UGDH: variants seen among roughly 807,000 people sequenced by gnomAD.
UGDH encodes the protein UDP-Glc dehydrogenase.
A neutral mutation model predicts 50.6 loss-of-function variants in UGDH; 38 were observed. The ratio of observed to expected loss-of-function variants is 0.75; its 90% confidence interval spans 0.58 to 0.98. The LOEUF (loss-of-function observed/expected upper bound fraction) is 0.98. Among genes scored for constraint, UGDH ranks in the 50% least tolerant of loss-of-function variants. The pLI is 0.00. For synonymous variants in UGDH, 168 were observed against 199.9 expected (o/e 0.84, Z 1.35); for missense variants, 465 against 606.2 (o/e 0.77, Z 2.45).
chr4:39,501,076 TC>T (rs1745788880), intron 11 of UGDH, among the ~76,000 whole-genome samples: 1 of 151,590 alleles, frequency 6.6e-6, no homozygotes, highest in Non-Finnish European at 1.5e-5. Flanking sequence ...GCGATTCTCC[TC>T]GCCTCAGCCT....
intron 5 of UGDH, 82 bp from the exon 6 acceptor site, chr4:39,509,989 A>C: frequency 7.0e-7 from 1 of 1,433,302 alleles, no homozygotes; most frequent in Non-Finnish European, 9.2e-7. Context: ...CATTGCGTTG[A>C]CGCAAATTAC....
chr4:39,520,029 T>C (rs565089175), intron 2 of UGDH, among the ~76,000 whole-genome samples: 2 of 152,182 alleles, frequency 1.3e-5, no homozygotes, highest in Non-Finnish European at 2.9e-5. Flanking sequence ...AGTCTATGGT[T>C]GATAATAGTC....
intron 1 of UGDH, among the ~76,000 whole-genome samples, chr4:39,525,773 T>A (rs975333904): frequency 6.6e-6 from 1 of 152,070 alleles, no homozygotes; most frequent in Non-Finnish European, 1.5e-5. Context: ...CCTCCCAAAG[T>A]GCTGGGATTA....
At position 39,521,451 on chromosome 4, in the gene UGDH, C is replaced by T; in HGVS notation, c.62G>A (p.Ser21Asn). ...TTCAGGACACATATGAGCAATGACA[C>T]TACATGTGGGTCCTCCAACATAGCC... ...GAGYVGGPTC[S>N]VIAHMCPEIR... The change falls in exon 2 of 12, where the codon AGT (serine) becomes AAT (asparagine). Residue 21 changes from serine to asparagine, a missense_variant. Ser to Asn is a conservative substitution (Grantham distance 46). Coordinates refer to ENST00000316423, the MANE Select transcript of UGDH (RefSeq NM_003359.4). The T allele has an allele frequency of 1.2e-6, 2 of 1,613,012 alleles. No homozygotes were observed. Among genetic ancestry groups the T allele is most frequent in the Non-Finnish European group, 1.7e-6 (2 of 1,179,488 alleles).
chr4:39,527,122 A>G, intron 1 of UGDH, 161 bp downstream of exon 1: 1 of 1,289,006 alleles, frequency 7.8e-7, no homozygotes, highest in Non-Finnish European at 1.0e-6. Context: ...TTCCCGCCCT[A>G]AGCCCCAAAG....
intron 2 of UGDH, among the ~76,000 whole-genome samples, chr4:39,516,911 A>T (rs549232823): frequency 7.2e-5 from 11 of 152,336 alleles, no homozygotes; most frequent in African/African-American, 2.4e-4. Flanking sequence ...ATTTAAAGTT[A>T]CTAAAATCAG....
In UGDH at chr4:39,521,487, C is replaced by A. The variant is rs773970612; in HGVS notation, c.26G>T (p.Cys9Phe). 1.9e-6 allele frequency: 3 copies of A among 1,601,206 alleles called. No individual in the cohort carries two copies. Among genetic ancestry groups the A allele is most frequent in the South Asian group, 1.1e-5 (1 of 88,022 alleles). ...TCCTCCAACATAGCCTGCACCGATG[C>A]AACAGATCTTCTTAATTTCAAACAT... MFEIKKIC[C>F]IGAGYVGGPT... The change falls in exon 2 of 12, where the codon TGC (cysteine) becomes TTC (phenylalanine). Residue 9 changes from cysteine to phenylalanine, a missense_variant. Transcript: ENST00000316423.
At chr4:39,520,175 C>T (rs1209002215) in intron 2 of UGDH, among the ~76,000 whole-genome samples, 1 of 152,112 alleles carries the variant, frequency 6.6e-6, no homozygotes, top group Admixed American at 6.5e-5. Context: ...CTCGTCTCTA[C>T]TAAAAATACA....
intron 2 of UGDH, among the ~76,000 whole-genome samples, chr4:39,515,274 G>A (rs1054966783): frequency 6.6e-6 from 1 of 152,158 alleles, no homozygotes; most frequent in Non-Finnish European, 1.5e-5. Flanking sequence ...TTAACTATGA[G>A]TATCAACACA....
rs569187280 is a variant in UGDH at position 39,499,342 on chromosome 4, C to T, written c.*801G>A. 1 of 152,058 alleles carries T rather than the reference C, an allele frequency of 6.6e-6. No homozygotes were observed. 9.4% of individuals were successfully genotyped at this position (152,058 alleles called of 1,614,324 possible). ...ATTTTGAGCTAAAAAATCAGTGACACATTTTATTAAAACAAAAGGAACAAA... is the reference window on the plus strand; with the variant it reads ...ATTTTGAGCTAAAAAATCAGTGACATATTTTATTAAAACAAAAGGAACAAA... On this transcript the variant is annotated 3_prime_UTR_variant, in exon 12 of 12. Coordinates refer to ENST00000316423, the MANE Select transcript of UGDH (RefSeq NM_003359.4).
At chr4:39,514,218 A>G in intron 2 of UGDH, 34 bp from the exon 3 acceptor site, 1 of 1,468,974 alleles carries the variant, frequency 6.8e-7, no homozygotes, top group Non-Finnish European at 9.3e-7. Flanking sequence ...TTGTACATAT[A>G]GCTTGCCAGT....
At chr4:39,519,546 A>G (rs1053566827) in intron 2 of UGDH, among the ~76,000 whole-genome samples, 18 of 151,816 alleles carry the variant, frequency 1.2e-4, no homozygotes, top group African/African-American at 4.1e-4. Context: ...TAATATATAT[A>G]TATATATTTT....
intron 7 of UGDH, among the ~76,000 whole-genome samples, chr4:39,506,233 T>TTAAAAA (rs543831901): frequency 2.3e-5 from 3 of 131,134 alleles, no homozygotes; most frequent in Non-Finnish European, 3.1e-5. Flanking sequence ...GCCGTAAATT[T>TTAAAAA]AAAAAAAAAA....
chr4:39,505,401 G>T, intron 8 of UGDH, 31 bp from the exon 9 acceptor site: 1 of 1,464,358 alleles, frequency 6.8e-7, no homozygotes, highest in South Asian at 1.5e-5. Flanking sequence ...GTATTGGTAA[G>T]CTTTATGTGG....
intron 2 of UGDH, among the ~76,000 whole-genome samples, chr4:39,520,840 G>A (rs1184086421): frequency 3.3e-5 from 5 of 151,644 alleles, no homozygotes; most frequent in Admixed American, 3.3e-4. Context: ...TTGGGAGGCC[G>A]GGGCGGGCAG....
At chr4:39,517,266 G>A (rs1006002771) in intron 2 of UGDH, among the ~76,000 whole-genome samples, 6 of 149,776 alleles carry the variant, frequency 4.0e-5, no homozygotes, top group African/African-American at 7.4e-5. Context: ...GCAGTGGCGC[G>A]ATCTCGGCTC....
chr4:39,520,838 C>A (rs1472326541), intron 2 of UGDH, among the ~76,000 whole-genome samples: 1 of 151,684 alleles, frequency 6.6e-6, no homozygotes, highest in African/African-American at 2.4e-5. Context: ...CTTTGGGAGG[C>A]CGGGGCGGGC....
intron 3 of UGDH, among the ~76,000 whole-genome samples, chr4:39,513,640 G>A (rs1382766989): frequency 2.0e-5 from 3 of 147,224 alleles, no homozygotes; most frequent in South Asian, 2.2e-4. Flanking sequence ...TGGTTCAAGC[G>A]ATTCTCCTGC....
At chr4:39,503,213 C>A (rs1295803553) in intron 11 of UGDH, among the ~76,000 whole-genome samples, 3 of 152,174 alleles carry the variant, frequency 2.0e-5, no homozygotes, top group Non-Finnish European at 4.4e-5. Flanking sequence ...CCGCGCCCAG[C>A]AATTTTTGTA....
Sources: allele counts gnomAD v4.1 joint callset (sites outside exome capture counted in the v4.1 genomes callset), GRCh38; gene constraint gnomAD v4.1.1; transcripts MANE v1.5; gene names NCBI Gene and HGNC (gene_info 2026-07-23, HGNC 2026-07-21).